PRR16: variants seen among roughly 807,000 people sequenced by gnomAD.
PRR16 encodes protein Largen.
In PRR16, 6 loss-of-function variants were observed where a neutral mutation model predicts 18.2. That is an observed-to-expected ratio of 0.33 (90% CI 0.18 to 0.65). The LOEUF (loss-of-function observed/expected upper bound fraction) is 0.65. PRR16 is among the 30% of genes least tolerant of loss of function. The pLI is 0.74. For synonymous variants in PRR16, 151 were observed against 147.8 expected, an observed-to-expected ratio of 1.02 and a Z score of -0.16; for missense variants, 412 against 376.6, an observed-to-expected ratio of 1.09 and a Z score of -0.78.
intron 1 of PRR16, among the ~76,000 whole-genome samples, chr5:120,477,875 G>T (rs1054717126): frequency 3.9e-5 from 6 of 152,118 alleles, no homozygotes; most frequent in African/African-American, 1.2e-4. Context: ...CTGAGCAAAC[G>T]CTTACCTCAC....
chr5:120,748,098 T>C, the PRR16 span, among the ~76,000 whole-genome samples: 10 of 152,218 alleles, frequency 6.6e-5, no homozygotes, highest in East Asian at 1.7e-3. Context: ...CAATATATTA[T>C]TGAATGATTA....
At chr5:120,549,049 A>G (rs930919200) in intron 1 of PRR16, among the ~76,000 whole-genome samples, 7 of 151,950 alleles carry the variant, frequency 4.6e-5, no homozygotes, top group African/African-American at 1.7e-4. Flanking sequence ...ATTCTAAAAG[A>G]GCATATTGAC....
the PRR16 span, among the ~76,000 whole-genome samples, chr5:120,722,379 ATATAT>A: frequency 2.6e-5 from 4 of 152,000 alleles, no homozygotes; most frequent in African/African-American, 4.8e-5. Flanking sequence ...TCCTGGCAAG[ATATAT>A]TATGTTAAAC....
the PRR16 span, among the ~76,000 whole-genome samples, chr5:120,789,542 ACAT>A: frequency 9.9e-5 from 15 of 152,240 alleles, no homozygotes; most frequent in African/African-American, 3.6e-4. Context: ...CATCATTCTT[ACAT>A]TATACAGTGT....
the PRR16 span, among the ~76,000 whole-genome samples, chr5:120,726,479 C>G: frequency 1.3e-5 from 2 of 151,870 alleles, no homozygotes; most frequent in African/African-American, 2.4e-5. Context: ...CATATATTAA[C>G]AAATTTCAAA....
intron 1 of PRR16, among the ~76,000 whole-genome samples, chr5:120,578,116 C>A (rs1465336119): frequency 6.6e-6 from 1 of 152,086 alleles, no homozygotes; most frequent in Non-Finnish European, 1.5e-5. Context: ...CAGTTACTTA[C>A]CCCAAATCCA....
chr5:120,654,268 G>A (rs1016747147), intron 1 of PRR16, among the ~76,000 whole-genome samples: 1 of 151,936 alleles, frequency 6.6e-6, no homozygotes, highest in Non-Finnish European at 1.5e-5. Flanking sequence ...CTTTACATGA[G>A]AATAAGAGAC....
At chr5:120,752,984 T>A in the PRR16 span, among the ~76,000 whole-genome samples, 7 of 5,904 alleles carry the variant, frequency 1.2e-3, no homozygotes, top group African/African-American at 1.3e-3. Flanking sequence ...GATAATATTA[T>A]TGATGTCAAA....
the PRR16 span, among the ~76,000 whole-genome samples, chr5:120,695,179 A>G: frequency 6.6e-6 from 1 of 152,108 alleles, no homozygotes; most frequent in Non-Finnish European, 1.5e-5. Flanking sequence ...GGATTGATTT[A>G]TTTTATCTTT....
At chr5:120,759,763 G>C in the PRR16 span, among the ~76,000 whole-genome samples, 1 of 152,156 alleles carries the variant, frequency 6.6e-6, no homozygotes, top group African/African-American at 2.4e-5. Flanking sequence ...TCTCTTTGAA[G>C]TGGGTGTGTG....
intron 1 of PRR16, among the ~76,000 whole-genome samples, chr5:120,611,754 A>T (rs1477112456): frequency 1.3e-5 from 2 of 152,218 alleles, no homozygotes; most frequent in Non-Finnish European, 2.9e-5. Context: ...CTGCTAGGGC[A>T]GTGCAGAAGG....
At chr5:120,682,978 CAG>C (rs1050520789) in intron 1 of PRR16, among the ~76,000 whole-genome samples, 2 of 152,078 alleles carry the variant, frequency 1.3e-5, no homozygotes, top group Non-Finnish European at 2.9e-5. Context: ...AAGGATGTGT[CAG>C]AGTTAACCTG....
chr5:120,765,948 C>T, the PRR16 span, among the ~76,000 whole-genome samples: 16 of 152,068 alleles, frequency 1.1e-4, no homozygotes, highest in Non-Finnish European at 1.9e-4. Flanking sequence ...TGGTTATTCT[C>T]ACTGCTGTAT....
At chr5:120,700,658 A>C in the PRR16 span, among the ~76,000 whole-genome samples, 1 of 152,084 alleles carries the variant, frequency 6.6e-6, no homozygotes, top group Admixed American at 6.5e-5. Context: ...TAAGAGGTTT[A>C]GAAGCCTGGC....
chr5:120,758,105 A>G, the PRR16 span, among the ~76,000 whole-genome samples: 2 of 152,104 alleles, frequency 1.3e-5, no homozygotes, highest in Admixed American at 1.3e-4. Context: ...ATTATTAACT[A>G]TTTTTTCACT....
the PRR16 span, among the ~76,000 whole-genome samples, chr5:120,780,065 T>C: frequency 8.5e-5 from 13 of 152,334 alleles, no homozygotes; most frequent in African/African-American, 2.9e-4. Flanking sequence ...TAGATATTAA[T>C]GTCTATCCTT....
chr5:120,599,025 T>C (rs1753900832), intron 1 of PRR16, among the ~76,000 whole-genome samples: 1 of 151,950 alleles, frequency 6.6e-6, no homozygotes, highest in African/African-American at 2.4e-5. Context: ...CATGGGATTT[T>C]TTGTTCAAAC....
At chr5:120,780,501 G>T in the PRR16 span, among the ~76,000 whole-genome samples, 1 of 152,006 alleles carries the variant, frequency 6.6e-6, no homozygotes, top group Non-Finnish European at 1.5e-5. Context: ...CTAAGAGACG[G>T]AAAAACATTT....
the PRR16 span, among the ~76,000 whole-genome samples, chr5:120,752,061 A>G: frequency 6.6e-6 from 1 of 152,102 alleles, no homozygotes; most frequent in Non-Finnish European, 1.5e-5. Context: ...CTCTAAATAA[A>G]TTAATATTAA....
Sources: gnomAD v4.1 joint callset for allele counts (sites outside exome capture counted in the v4.1 genomes callset) on GRCh38, gnomAD v4.1.1 for gene constraint, MANE v1.5 for transcripts, NCBI Gene and HGNC (gene_info 2026-07-23, HGNC 2026-07-21) for gene names.